The following MICAL2 variants were observed in gnomAD, a reference collection of about 807,000 sequenced individuals.
MICAL2 encodes microtubule associated monooxygenase, calponin and LIM domain containing 2.
In MICAL2, 77 loss-of-function variants were observed where a neutral mutation model predicts 127.3. That is an observed-to-expected ratio of 0.60 (90% CI 0.50 to 0.73). The LOEUF (loss-of-function observed/expected upper bound fraction) is 0.73. Ranked by LOEUF, MICAL2 falls within the 30% of genes least tolerant of loss-of-function variation. The pLI, the probability that MICAL2 is intolerant of heterozygous loss-of-function variation, is 0.00. For synonymous variants in MICAL2, 570 were observed against 551.1 expected (o/e 1.03, Z -0.48); for missense variants, 1,351 against 1,434.4 (o/e 0.94, Z 0.94).
Position 12,244,006 on chromosome 11 carries a change from G to A in MICAL2, c.2678G>A (p.Gly893Asp), listed in dbSNP as rs755042670. The change falls in exon 21 of 28, where the codon GGC (glycine) becomes GAC (aspartate). Residue 893 changes from glycine to aspartate, a missense_variant. Physicochemically the swap from Gly to Asp is moderately conservative, Grantham distance 94 (BLOSUM62 -1). Coordinates refer to ENST00000683283, the MANE Select transcript of MICAL2 (RefSeq NM_001282663.2). ...GTGCAGAATAAACTACTCTCTAAAG[G>A]CCTGTCTCATACTCATCCTCCATCT... The part of the protein sequence containing the change: ...DFPQNKLLSK[G>D]LSHTHPPSPP... 2 of 1,613,796 alleles carry A rather than the reference G, an allele frequency of 1.2e-6. No homozygotes were observed. The highest frequency in any genetic ancestry group is 1.7e-6 in the Non-Finnish European group (2 of 1,179,776).
At chr11:12,190,399 T>C (rs1858944574) in intron 3 of MICAL2, among the ~76,000 whole-genome samples, 1 of 152,184 alleles carries the variant, frequency 6.6e-6, no homozygotes, top group Non-Finnish European at 1.5e-5. Context: ...AAATGGCTTT[T>C]CTCTTGGGAA....
intron 2 of MICAL2, 179 bp from the exon 3 acceptor site, chr11:12,161,900 G>A (rs1046827358): frequency 1.1e-5 from 6 of 526,686 alleles, no homozygotes; most frequent in East Asian, 3.4e-5. Context: ...ATGCCACATC[G>A]ACAGGCCAAA....
At chr11:12,163,051 C>T (rs757681786) in intron 3 of MICAL2, among the ~76,000 whole-genome samples, 4 of 152,198 alleles carry the variant, frequency 2.6e-5, no homozygotes, top group Non-Finnish European at 5.9e-5. Flanking sequence ...CCTGATACCC[C>T]TGCATTCTCC....
At chr11:12,244,526 A>G (rs961562704) in intron 21 of MICAL2, among the ~76,000 whole-genome samples, 1 of 152,242 alleles carries the variant, frequency 6.6e-6, no homozygotes, top group East Asian at 1.9e-4. Flanking sequence ...TCCTAATAAG[A>G]TGGCAATTTC....
At chr11:12,137,490 C>T (rs1413566633) in intron 1 of MICAL2, among the ~76,000 whole-genome samples, 1 of 152,232 alleles carries the variant, frequency 6.6e-6, no homozygotes, top group Admixed American at 6.5e-5. Flanking sequence ...TGACAGTACA[C>T]AGCACTTCAT....
At chr11:12,218,478 G>A (rs900378663) in intron 8 of MICAL2, among the ~76,000 whole-genome samples, 9 of 152,184 alleles carry the variant, frequency 5.9e-5, no homozygotes, top group African/African-American at 1.9e-4. Flanking sequence ...AGGCGTCCAC[G>A]CCAGGCACTG....
chr11:12,201,396 G>T (rs957725824), intron 3 of MICAL2, among the ~76,000 whole-genome samples: 1 of 151,594 alleles, frequency 6.6e-6, no homozygotes, highest in Admixed American at 6.6e-5. Flanking sequence ...TAGAGGAAGG[G>T]GAATGTGTTT....
chr11:12,294,958 C>A, downstream of MICAL2: 2 of 1,336,810 alleles, frequency 1.5e-6, no homozygotes, highest in South Asian at 2.3e-5. Flanking sequence ...TTTTGCTTCT[C>A]AAATACTAAC....
intron 2 of MICAL2, among the ~76,000 whole-genome samples, chr11:12,142,443 A>G (rs1345425991): frequency 6.6e-6 from 1 of 152,182 alleles, no homozygotes; most frequent in Admixed American, 6.5e-5. Flanking sequence ...TTCAAATCAA[A>G]ATCATATGAG....
intron 2 of MICAL2, among the ~76,000 whole-genome samples, chr11:12,286,378 G>A (rs1027417874): frequency 2.0e-4 from 31 of 152,198 alleles, no homozygotes; most frequent in African/African-American, 6.3e-4. Flanking sequence ...TTGATGGCCC[G>A]TGATGACCTT....
chr11:12,209,714 G>C (rs1855196688), intron 6 of MICAL2, 116 bp downstream of exon 6: 3 of 915,632 alleles, frequency 3.3e-6, no homozygotes, highest in Middle Eastern at 3.2e-4. Flanking sequence ...TGGAGGTTTT[G>C]ATAGGAGGGC....
chr11:12,186,282 T>G (rs1272340204), intron 3 of MICAL2, among the ~76,000 whole-genome samples: 1 of 152,124 alleles, frequency 6.6e-6, no homozygotes, highest in African/African-American at 2.4e-5. Context: ...TTTTTTTGGT[T>G]TGACTGAATA....
At chr11:12,255,879 G>A in intron 23 of MICAL2, 129 bp downstream of exon 23, 2 of 671,794 alleles carry the variant, frequency 3.0e-6, no homozygotes, top group Non-Finnish European at 2.6e-6. Context: ...AGAGGGGGCT[G>A]AGAATGAGCT....
chr11:12,255,573 G>T, intron 22 of MICAL2, 70 bp from the exon 23 acceptor site: 1 of 1,375,022 alleles, frequency 7.3e-7, no homozygotes, highest in East Asian at 2.4e-5. Flanking sequence ...CATCCTGCTT[G>T]TGTTTTCCTC....
chr11:12,294,972 A>C (rs913196334), downstream of MICAL2: 43 of 1,334,582 alleles, frequency 3.2e-5, no homozygotes, highest in Admixed American at 3.5e-5. Context: ...TACTAACAAA[A>C]GTAGGAAAAC....
intron 2 of MICAL2, among the ~76,000 whole-genome samples, chr11:12,149,856 T>C (rs1456520190): frequency 2.0e-5 from 3 of 152,198 alleles, no homozygotes; most frequent in East Asian, 1.9e-4. Context: ...AGGACACAGA[T>C]ACTGGTTGAA....
chr11:12,209,627 T>C, intron 6 of MICAL2, 29 bp downstream of exon 6: 1 of 1,569,688 alleles, frequency 6.4e-7, no homozygotes, highest in South Asian at 1.1e-5. Context: ...GGTGTGGGAA[T>C]GGGGGGATGG....
At chr11:12,178,743 AC>A (rs1326224795) in intron 3 of MICAL2, among the ~76,000 whole-genome samples, 2 of 146,870 alleles carry the variant, frequency 1.4e-5, no homozygotes, top group Admixed American at 1.4e-4. Flanking sequence ...TTTTTTTGAG[AC>A]AGTATCTCGC....
At chr11:12,329,971 G>T (rs893400571) in intron 32 of MICAL2, among the ~76,000 whole-genome samples, 1 of 151,904 alleles carries the variant, frequency 6.6e-6, no homozygotes, top group Non-Finnish European at 1.5e-5. Context: ...ACAGAAGATG[G>T]ATTCCATTCA....
Sources: gnomAD v4.1 joint callset for allele counts (sites outside exome capture counted in the v4.1 genomes callset) on GRCh38, gnomAD v4.1.1 for gene constraint, MANE v1.5 for transcripts, NCBI Gene and HGNC (gene_info 2026-07-23, HGNC 2026-07-21) for gene names.